The following TDRD9 variants were observed in gnomAD, a reference collection of about 807,000 sequenced individuals.
TDRD9 encodes tudor domain containing 9.
TDRD9 carries 124 observed loss-of-function variants against 172.6 expected under a neutral mutation model. The observed-to-expected ratio is 0.72, with a 90% confidence interval of 0.62 to 0.83. The LOEUF is 0.83. Among genes scored for constraint, TDRD9 ranks in the 40% least tolerant of loss-of-function variants. The pLI is 0.00. For missense variants in TDRD9, 1,479 were observed against 1,714.1 expected, an observed-to-expected ratio of 0.86 and a Z score of 2.42; for synonymous variants, 619 against 617.1, an observed-to-expected ratio of 1.00 and a Z score of -0.05.
chr14:103,941,576 C>T (rs2031237007), intron 1 of TDRD9: 1 of 1,535,288 alleles, frequency 6.5e-7, no homozygotes, highest in Non-Finnish European at 8.7e-7. Flanking sequence ...ATCTCTCTCG[C>T]TCCTTTAGGT....
At chr14:103,966,922 A>C in intron 5 of TDRD9, 91 bp downstream of exon 5, 2 of 1,195,382 alleles carry the variant, frequency 1.7e-6, no homozygotes, top group East Asian at 2.9e-5. Context: ...TGCCTGTCTC[A>C]GCTTTCTTTA....
At chr14:103,983,315 G>A (rs1189423375) in intron 7 of TDRD9, among the ~76,000 whole-genome samples, 2 of 151,858 alleles carry the variant, frequency 1.3e-5, no homozygotes, top group East Asian at 3.9e-4. Flanking sequence ...CACCCGGCTC[G>A]ACCTCCCAAA....
chr14:104,033,929 C>A, intron 30 of TDRD9, 31 bp from the exon 31 acceptor site: 1 of 1,409,468 alleles, frequency 7.1e-7, no homozygotes, highest in Non-Finnish European at 9.8e-7. Context: ...GTGGATCAGT[C>A]ACCCCATCTC....
chr14:104,038,687 G>A (rs889429475), intron 32 of TDRD9, among the ~76,000 whole-genome samples: 37 of 137,332 alleles, frequency 2.7e-4, no homozygotes, highest in African/African-American at 7.7e-4. Context: ...TTTTTTGTTT[G>A]TTTTTTTGAG....
chr14:103,973,473 C>A (rs1478985691), intron 6 of TDRD9, among the ~76,000 whole-genome samples: 2 of 152,214 alleles, frequency 1.3e-5, no homozygotes, highest in African/African-American at 4.8e-5. Flanking sequence ...TCACCTCTTG[C>A]TGACTGGACT....
rs962480284 is a variant in TDRD9, at chr14:103,980,118, C to T, written c.1011+4565C>T. On this transcript the variant is annotated intron_variant, in intron 7 of 35. Coordinates refer to ENST00000409874, the MANE Select transcript of TDRD9 (RefSeq NM_153046.3). The surrounding 1 kb of genome is among the most constrained non-coding windows in gnomAD (Gnocchi z 4.5). ...GATCTTGAACTCCTGTCTGTAGGGA[C>T]CAGCCCCACAGGGTCGGTGGGTTTT... is the stretch of plus-strand genomic sequence containing the variant. Among the ~76,000 whole-genome samples the T allele has an allele frequency of 2.0e-5, 3 of 152,018 alleles. No individual in the cohort carries two copies. The highest frequency in any genetic ancestry group is 4.8e-5 in the African/African-American group (2 of 41,380).
intron 32 of TDRD9, among the ~76,000 whole-genome samples, chr14:104,038,312 A>G (rs1437338063): frequency 1.3e-5 from 2 of 152,236 alleles, no homozygotes; most frequent in Non-Finnish European, 2.9e-5. Context: ...AAAAAATTGA[A>G]TGAGGGTGGA....
At chr14:103,941,682 C>T in intron 1 of TDRD9, 1 of 1,509,494 alleles carries the variant, frequency 6.6e-7, no homozygotes, top group South Asian at 1.3e-5. Context: ...TTTCATCCAG[C>T]CAAAAAGTGG....
intron 1 of TDRD9, among the ~76,000 whole-genome samples, chr14:103,950,090 C>CT (rs58379140): frequency 0.078 from 8,418 of 108,424 alleles, 503 homozygotes; most frequent in Admixed American, 0.13. Context: ...TCCTTCCTTC[C>CT]TTTTTTTTTT....
chr14:103,962,988 G>GTGTGTGTGTA lies in TDRD9; in HGVS notation c.323-86_323-85insGTGTATGTGT. 7 of 673,640 alleles carry GTGTGTGTGTA rather than the reference G, an allele frequency of 1.0e-5. No individual in the cohort carries two copies. The South Asian group carries it at 1.4e-4, about 13-fold the overall frequency. The allele number at this position is 673,640 out of a possible 1,614,324, so 41.7% of individuals were successfully genotyped here. The stretch of plus-strand genomic sequence containing the variant: ...TGAGTGTGTGTGTGTGTGTGTGTGT[G>GTGTGTGTGTA]TGTGTATGCTGTATCTATAGATTAG... On this transcript the variant is annotated intron_variant, in intron 2 of 35. Coordinates refer to ENST00000409874, the MANE Select transcript of TDRD9 (RefSeq NM_153046.3).
chr14:104,030,301 T>C (rs112534923), intron 28 of TDRD9, among the ~76,000 whole-genome samples: 1 of 152,232 alleles, frequency 6.6e-6, no homozygotes, highest in Non-Finnish European at 1.5e-5. Context: ...GAGACCAGCC[T>C]GACCAACACG....
At chr14:104,003,963 G>A (rs1020910740) in intron 13 of TDRD9, among the ~76,000 whole-genome samples, 30 of 152,054 alleles carry the variant, frequency 2.0e-4, no homozygotes, top group African/African-American at 6.8e-4. Flanking sequence ...ATATGCATTG[G>A]ATTTTATAAT....
intron 1 of TDRD9, among the ~76,000 whole-genome samples, chr14:103,930,333 G>A (rs895711129): frequency 2.0e-4 from 31 of 151,978 alleles, no homozygotes; most frequent in African/African-American, 6.5e-4. Flanking sequence ...GATTACTGGC[G>A]TGTGCCACCA....
chr14:104,023,184 CAAAAAAAAAAAA>C (rs10661391), intron 24 of TDRD9, among the ~76,000 whole-genome samples: 2 of 64,436 alleles, frequency 3.1e-5, no homozygotes, highest in East Asian at 6.0e-4. Flanking sequence ...GACTCCGTCT[CAAAAAAAAAAAA>C]AAAAAAAAAA....
At chr14:103,939,764 T>TTTTTTTTTTTTTTA (rs61621268) in intron 1 of TDRD9, 2 of 133,154 alleles carry the variant, frequency 1.5e-5, no homozygotes, top group Admixed American at 7.9e-5. Context: ...TTTTTTTTTT[T>TTTTTTTTTTTTTTA]GAGACAAGGT....
intron 2 of TDRD9, among the ~76,000 whole-genome samples, chr14:103,956,151 A>ATATATATATATATAT (rs2032230616): frequency 1.2e-5 from 1 of 81,124 alleles, no homozygotes; most frequent in African/African-American, 5.1e-5. Context: ...TATATATATA[A>ATATATATATATATAT]TTATTAGGCC....
In TDRD9 at chr14:104,034,985, C is replaced by T; in HGVS notation, c.3645C>T (p.Thr1215=). The T allele has an allele frequency of 6.4e-7, 1 of 1,551,716 alleles. No homozygotes were observed. The highest frequency in any genetic ancestry group is 1.4e-5 in the African/African-American group (1 of 73,146). ...ATGSTMLLRE[T]SLMPHIPGLP... is the part of the protein sequence containing the mutation. Reference sequence around the variant, plus strand: ...GATCTACGATGCTGCTGAGAGAAACCTCTCTGATGCCTCATATCCCTGGCC... The same window carrying T: ...GATCTACGATGCTGCTGAGAGAAACTTCTCTGATGCCTCATATCCCTGGCC... Residue 1215 remains threonine, a synonymous_variant, in exon 32 of 36, where the codon ACC becomes ACT. Transcript: ENST00000409874.
intron 32 of TDRD9, 141 bp from the exon 33 acceptor site, chr14:104,040,055 C>A: frequency 1.6e-6 from 1 of 624,296 alleles, no homozygotes; most frequent in Non-Finnish European, 2.4e-6. Flanking sequence ...TGAAAACTGG[C>A]AGAAAAATGC....
At chr14:103,952,458 G>T (rs1328658113) in intron 1 of TDRD9, among the ~76,000 whole-genome samples, 3 of 149,298 alleles carry the variant, frequency 2.0e-5, no homozygotes, top group Non-Finnish European at 4.4e-5. Flanking sequence ...AGCCAGGATG[G>T]TCTTGATCTC....
Sources: allele counts gnomAD v4.1 joint callset (sites outside exome capture counted in the v4.1 genomes callset), GRCh38; gene constraint gnomAD v4.1.1; non-coding constraint Gnocchi (gnomAD v3.1); transcripts MANE v1.5; gene names NCBI Gene and HGNC (gene_info 2026-07-23, HGNC 2026-07-21).